PCP4: variants seen among roughly 807,000 people sequenced by gnomAD.
PCP4 encodes the protein calmodulin regulator protein PCP4.
In PCP4, 8 loss-of-function variants were observed where a neutral mutation model predicts 10.0. That is an observed-to-expected ratio of 0.80 (90% CI 0.47 to 1.45). The LOEUF is 1.45. Ranked by LOEUF, PCP4 falls within the 40% of genes most tolerant of loss-of-function variation. PCP4 has a pLI of 0.00. For synonymous variants in PCP4, 21 were observed against 23.0 expected (o/e 0.91, Z 0.24); for missense variants, 54 against 74.4 (o/e 0.73, Z 1.01).
chr21:39,927,354 T>TATC (rs1479253131), intron 2 of PCP4, among the ~76,000 whole-genome samples: 6 of 62,156 alleles, frequency 9.7e-5, no homozygotes, highest in Non-Finnish European at 2.2e-4. Context: ...TCTATCTATC[T>TATC]ATCTATCTAT....
chr21:39,874,126 G>A (rs1457120388), intron 1 of PCP4, among the ~76,000 whole-genome samples: 1 of 152,140 alleles, frequency 6.6e-6, no homozygotes, highest in Non-Finnish European at 1.5e-5. Context: ...TTAAGGGCAA[G>A]GAAGCAAAAG....
intron 2 of PCP4, among the ~76,000 whole-genome samples, chr21:39,917,682 T>C (rs546301722): frequency 6.6e-6 from 1 of 152,294 alleles, no homozygotes; most frequent in South Asian, 2.1e-4. Context: ...ATTCAAGCTG[T>C]CCTTAGTCAA....
intron 2 of PCP4, among the ~76,000 whole-genome samples, chr21:39,920,285 T>G (rs117339281): frequency 4.2e-5 from 4 of 95,682 alleles, no homozygotes; most frequent in African/African-American, 9.2e-5. Context: ...GTAGTGTGTG[T>G]GGTGTGTGTG....
intron 2 of PCP4, among the ~76,000 whole-genome samples, chr21:39,909,583 A>G (rs967431163): frequency 2.6e-5 from 4 of 151,550 alleles, no homozygotes; most frequent in African/African-American, 9.7e-5. Flanking sequence ...ATGGTGTAGA[A>G]CTGTGATCAG....
chr21:39,900,235 A>G (rs1347251754), intron 2 of PCP4, among the ~76,000 whole-genome samples: 2 of 152,042 alleles, frequency 1.3e-5, no homozygotes, highest in Non-Finnish European at 2.9e-5. Flanking sequence ...GGATTTCACC[A>G]TGTTGGCCAG....
At chr21:39,926,383 A>G (rs2146352965) in intron 2 of PCP4, among the ~76,000 whole-genome samples, 1 of 152,306 alleles carries the variant, frequency 6.6e-6, no homozygotes, top group East Asian at 1.9e-4. Flanking sequence ...AAAAAATAAT[A>G]TTGCCGCTTT....
chr21:39,911,031 T>C (rs930731035), intron 2 of PCP4, among the ~76,000 whole-genome samples: 3 of 152,230 alleles, frequency 2.0e-5, no homozygotes, highest in Non-Finnish European at 2.9e-5. Flanking sequence ...TATGATTCTG[T>C]GGCTGTCTCT....
At chr21:39,892,574 A>G (rs1228912026) in intron 1 of PCP4, among the ~76,000 whole-genome samples, 2 of 152,006 alleles carry the variant, frequency 1.3e-5, no homozygotes, top group Non-Finnish European at 1.5e-5. Context: ...TTAAGTTTTA[A>G]TTTTTGTGGG....
In PCP4 at chr21:39,894,519, G is replaced by A. The variant is rs180712336; in HGVS notation, c.10-3957G>A. On this transcript the variant is annotated intron_variant, in intron 1 of 2. Transcript: ENST00000328619. ...GTGGCTATGCATATTTGTTTAGGGA[G>A]AACTTGTACTGCCTTCTGCATAACC... Among the ~76,000 whole-genome samples, 3 of 152,292 alleles carry A rather than the reference G, an allele frequency of 2.0e-5. No homozygotes were observed. The East Asian group carries it at 5.8e-4, about 29-fold the overall frequency.
chr21:39,925,758 C>T (rs1042232032), intron 2 of PCP4, among the ~76,000 whole-genome samples: 5 of 152,090 alleles, frequency 3.3e-5, no homozygotes, highest in Admixed American at 1.3e-4. Flanking sequence ...CGCCTCTGCC[C>T]GGGAGTGATG....
At chr21:39,875,847 G>A (rs2087343066) in intron 1 of PCP4, among the ~76,000 whole-genome samples, 2 of 152,092 alleles carry the variant, frequency 1.3e-5, no homozygotes, top group Admixed American at 1.3e-4. Context: ...TATAGTAAGA[G>A]TTAATCATTA....
chr21:39,910,302 G>C (rs1470403780), intron 2 of PCP4, among the ~76,000 whole-genome samples: 2 of 152,130 alleles, frequency 1.3e-5, no homozygotes, highest in Non-Finnish European at 2.9e-5. Context: ...TAGGAGGGCA[G>C]ACCTCGCTTC....
In PCP4 at chr21:39,928,991, G is replaced by A. The variant is rs779910324; in HGVS notation, c.69G>A (p.Gln23=). The change falls in exon 3 of 3, where the codon CAG becomes CAA. Residue 23 remains glutamine (Q), a synonymous_variant. Coordinates refer to ENST00000328619, the MANE Select transcript of PCP4 (RefSeq NM_006198.3). ...KDKTSGENDG[Q]KKVQEEFDID... The stretch of plus-strand genomic sequence containing the variant: ...GTGTTTGTCTTGCTACAGATGGACA[G>A]AAGAAAGTTCAAGAAGAATTTGACA... 6.2e-7 allele frequency: 1 copy of A among 1,612,950 alleles called. No individual in the cohort carries two copies. The highest frequency in any genetic ancestry group is 1.1e-5 in the South Asian group (1 of 90,916).
At chr21:39,873,277 C>T (rs1391214368) in intron 1 of PCP4, among the ~76,000 whole-genome samples, 1 of 152,174 alleles carries the variant, frequency 6.6e-6, no homozygotes, top group Admixed American at 6.5e-5. Context: ...GCCCAATCTC[C>T]ATCAGCCCAG....
rs577055108 is a variant in PCP4, at chr21:39,910,708, C to G, written c.61+12181C>G. Among the ~76,000 whole-genome samples the G allele has an allele frequency of 2.0e-5, 3 of 152,336 alleles. No individual in the cohort carries two copies. The South Asian group carries it at 6.2e-4, about 32-fold the overall frequency. On this transcript the variant is annotated intron_variant, in intron 2 of 2. Transcript: ENST00000328619. Reference sequence around the variant, plus strand: ...GGGGTTTTCCATGGATTAGCTGATGCCAGGCTGCCTCCATGCCAGCAGGAG... The same window carrying G: ...GGGGTTTTCCATGGATTAGCTGATGGCAGGCTGCCTCCATGCCAGCAGGAG...
chr21:39,920,413 T>C (rs2087591559), intron 2 of PCP4, among the ~76,000 whole-genome samples: 1 of 150,828 alleles, frequency 6.6e-6, no homozygotes, highest in Non-Finnish European at 1.5e-5. Flanking sequence ...TGTGTGAGTG[T>C]GTGTGGTGTG....
intron 1 of PCP4, among the ~76,000 whole-genome samples, chr21:39,894,427 C>T (rs1351989872): frequency 1.3e-5 from 2 of 152,216 alleles, no homozygotes; most frequent in African/African-American, 4.8e-5. Context: ...CTCTCAAATA[C>T]TCTAGTCCTT....
intron 2 of PCP4, among the ~76,000 whole-genome samples, chr21:39,909,267 C>G (rs1438159750): frequency 6.6e-6 from 1 of 152,158 alleles, no homozygotes; most frequent in Non-Finnish European, 1.5e-5. Context: ...TTTACTATCG[C>G]TTTTTCCTCG....
Position 39,917,818 on chromosome 21 carries a change from C to G in PCP4, c.62-11166C>G, listed in dbSNP as rs531266528. 7.9e-5 allele frequency among the ~76,000 whole-genome samples: 12 copies of G among 152,280 alleles called. No individual in the cohort carries two copies. In the South Asian group the frequency reaches 2.3e-3, roughly 29 times the overall value. On this transcript the variant is annotated intron_variant, in intron 2 of 2. Transcript: ENST00000328619. ...CAAATTCATGTGTTGAAGCCCTAAT[C>G]TCCATAACCTCAGAATGTGATCTTA...
Sources: allele counts gnomAD v4.1 joint callset (sites outside exome capture counted in the v4.1 genomes callset), GRCh38; gene constraint gnomAD v4.1.1; transcripts MANE v1.5; gene names NCBI Gene and HGNC (gene_info 2026-07-23, HGNC 2026-07-21).